The following NDST3 variants were observed in gnomAD, a reference collection of about 807,000 sequenced individuals.
The protein encoded by NDST3 is bifunctional heparan sulfate N-deacetylase/N-sulfotransferase 3.
In NDST3, 58 loss-of-function variants were observed where a neutral mutation model predicts 96.1. The observed-to-expected ratio is 0.60, with a 90% confidence interval of 0.49 to 0.75. The LOEUF is 0.75. Ranked by LOEUF, NDST3 falls within the 30% of genes least tolerant of loss-of-function variation. The pLI, the probability that NDST3 is intolerant of heterozygous loss-of-function variation, is 0.00. For synonymous variants in NDST3, 333 were observed against 359.7 expected (o/e 0.93, Z 0.84); for missense variants, 788 against 1,034.2 (o/e 0.76, Z 3.27).
intron 1 of NDST3, among the ~76,000 whole-genome samples, chr4:118,041,563 G>A (rs115287353): frequency 0.011 from 1,745 of 152,246 alleles, 26 homozygotes; most frequent in African/African-American, 0.039. Flanking sequence ...ATCATAGGTT[G>A]AATTCGGAGC....
chr4:118,106,451 T>C (rs1411499986), intron 3 of NDST3, among the ~76,000 whole-genome samples: 1 of 151,972 alleles, frequency 6.6e-6, no homozygotes, highest in Non-Finnish European at 1.5e-5. Context: ...GCTTAAGAAA[T>C]CCTCCCACCT....
chr4:118,141,883 A>T (rs1733599737), intron 5 of NDST3, among the ~76,000 whole-genome samples: 1 of 152,136 alleles, frequency 6.6e-6, no homozygotes, highest in Admixed American at 6.6e-5. Context: ...AACTAACTCC[A>T]TGCAACCTAT....
In NDST3 at chr4:118,244,277, T is replaced by A. The variant is rs192684593; in HGVS notation, c.2399+2128T>A. Reference sequence around the variant, plus strand: ...TGTAGTTGTTTATCTGAAACCTGTCTTCACAATTTAGTTACTCCTATTAGA... The same window carrying A: ...TGTAGTTGTTTATCTGAAACCTGTCATCACAATTTAGTTACTCCTATTAGA... On this transcript the variant is annotated intron_variant, in intron 12 of 13. Coordinates refer to ENST00000296499, the MANE Select transcript of NDST3 (RefSeq NM_004784.3). 7.3e-4 allele frequency among the ~76,000 whole-genome samples: 111 copies of A among 152,332 alleles called. 1 individual carries two copies. Among genetic ancestry groups the A allele is most frequent in the Non-Finnish European group, 1.0e-4 (7 of 68,034 alleles).
intron 11 of NDST3, 69 bp downstream of exon 11, chr4:118,240,763 G>A: frequency 7.1e-7 from 1 of 1,416,906 alleles, no homozygotes; most frequent in Non-Finnish European, 9.5e-7. Flanking sequence ...TTAAGGTTAA[G>A]AAAATTTTCA....
intron 4 of NDST3, among the ~76,000 whole-genome samples, chr4:118,127,206 C>T (rs913038367): frequency 6.6e-6 from 1 of 151,794 alleles, no homozygotes; most frequent in Non-Finnish European, 1.5e-5. Flanking sequence ...CGATGTGATC[C>T]CATCTGTCCA....
In NDST3 at chr4:118,172,767, T is replaced by G. The variant is rs373891003; in HGVS notation, c.1539+29083T>G. 5.7e-4 allele frequency among the ~76,000 whole-genome samples: 87 copies of G among 152,292 alleles called. 1 individual carries two copies. In the East Asian group the frequency reaches 0.011, roughly 19 times the overall value. On this transcript the variant is annotated intron_variant, in intron 6 of 13. Coordinates refer to ENST00000296499, the MANE Select transcript of NDST3 (RefSeq NM_004784.3). ...AAGAATGATTATTCCTATCTAATTA[T>G]GTATTAACATTTATATGAATCATAC...
chr4:118,235,823 ACATAT>A (rs1432883809), intron 9 of NDST3, among the ~76,000 whole-genome samples: 2 of 152,240 alleles, frequency 1.3e-5, no homozygotes. Flanking sequence ...TGCCAGAATT[ACATAT>A]CACCAACAAG....
intron 6 of NDST3, among the ~76,000 whole-genome samples, chr4:118,167,781 G>A (rs79040525): frequency 2.6e-5 from 4 of 152,082 alleles, no homozygotes; most frequent in African/African-American, 9.6e-5. Flanking sequence ...ACTGACCTTT[G>A]ACAAGGGCAT....
intron 2 of NDST3, among the ~76,000 whole-genome samples, chr4:118,103,986 T>A (rs1293183304): frequency 2.0e-5 from 3 of 152,172 alleles, no homozygotes; most frequent in African/African-American, 4.8e-5. Context: ...CATGGGGTAG[T>A]CAATGAATAA....
At chr4:118,163,260 C>A (rs1735303432) in intron 6 of NDST3, among the ~76,000 whole-genome samples, 1 of 152,126 alleles carries the variant, frequency 6.6e-6, no homozygotes, top group South Asian at 2.1e-4. Flanking sequence ...GGTATATACC[C>A]AAAGGACTAT....
chr4:118,065,449 GA>G (rs1192884281), intron 2 of NDST3, among the ~76,000 whole-genome samples: 1 of 152,048 alleles, frequency 6.6e-6, no homozygotes, highest in Non-Finnish European at 1.5e-5. Flanking sequence ...GATGTCTTAA[GA>G]AATGTACCTC....
chr4:118,051,695 T>G (rs1725087442), intron 1 of NDST3, among the ~76,000 whole-genome samples: 2 of 152,064 alleles, frequency 1.3e-5, no homozygotes, highest in Admixed American at 6.6e-5. Context: ...GCTGATGATA[T>G]GATTCTATAC....
At chr4:118,081,643 C>G (rs796300070) in intron 2 of NDST3, among the ~76,000 whole-genome samples, 6 of 152,106 alleles carry the variant, frequency 3.9e-5, no homozygotes, top group South Asian at 2.1e-4. Context: ...TTCCTGCCCC[C>G]CAGAGGATGA....
In NDST3 at chr4:118,228,393, A is replaced by G. The variant is rs575918388; in HGVS notation, c.1819+1411A>G. The stretch of plus-strand genomic sequence containing the variant: ...ATTTTGCTTTAGAAAGTCCTGCAGG[A>G]TTCGCTTCCTCTCGTGTTGTGCTGG... On this transcript the variant is annotated intron_variant, in intron 8 of 13. Transcript: ENST00000296499. Among the ~76,000 whole-genome samples, 4 of 152,256 alleles carry G rather than the reference A, an allele frequency of 2.6e-5. No homozygotes were observed. In the East Asian group the frequency reaches 7.7e-4, roughly 29 times the overall value.
chr4:118,228,193 C>A (rs534696839), intron 8 of NDST3, among the ~76,000 whole-genome samples: 1 of 152,174 alleles, frequency 6.6e-6, no homozygotes, highest in African/African-American at 2.4e-5. Flanking sequence ...AATCTGAAAA[C>A]AATAATAAAC....
chr4:118,231,178 A>T (rs1326709310), intron 8 of NDST3, among the ~76,000 whole-genome samples: 1 of 151,840 alleles, frequency 6.6e-6, no homozygotes, highest in African/African-American at 2.4e-5. Flanking sequence ...TCTACTAAAA[A>T]TACAAAAATT....
intron 1 of NDST3, among the ~76,000 whole-genome samples, chr4:118,039,765 G>A (rs1273945480): frequency 6.6e-6 from 1 of 152,092 alleles, no homozygotes; most frequent in Non-Finnish European, 1.5e-5. Flanking sequence ...AGCAGCATGT[G>A]GAAAGACCCT....
chr4:118,045,032 C>G (rs1263694887), intron 1 of NDST3, among the ~76,000 whole-genome samples: 6 of 152,144 alleles, frequency 3.9e-5, no homozygotes, highest in Admixed American at 3.9e-4. Context: ...CATAAGATCT[C>G]CCTACAATCT....
intron 2 of NDST3, among the ~76,000 whole-genome samples, chr4:118,083,382 A>C (rs1287651185): frequency 1.3e-5 from 2 of 152,174 alleles, no homozygotes; most frequent in African/African-American, 4.8e-5. Flanking sequence ...ATAATACTTA[A>C]TTCGATTTAT....
Sources: allele counts gnomAD v4.1 joint callset (sites outside exome capture counted in the v4.1 genomes callset), GRCh38; gene constraint gnomAD v4.1.1; transcripts MANE v1.5; gene names NCBI Gene and HGNC (gene_info 2026-07-23, HGNC 2026-07-21).